The following OSBPL2 variants were observed in gnomAD, a reference collection of about 807,000 sequenced individuals.
OSBPL2 encodes the protein oxysterol-binding protein-related protein 2.
Under a neutral mutation model 58.4 loss-of-function variants are expected in OSBPL2, and 18 were observed. The ratio of observed to expected loss-of-function variants is 0.31; its 90% CI spans 0.21 to 0.46. The LOEUF (loss-of-function observed/expected upper bound fraction) is 0.46. Ranked by LOEUF, OSBPL2 falls within the 20% of genes least tolerant of loss-of-function variation. The pLI, the probability that OSBPL2 is intolerant of heterozygous loss-of-function variation, is 1.00. For missense variants in OSBPL2, 461 were observed against 616.5 expected (o/e 0.75, Z 2.67); for synonymous variants, 221 against 234.1 (o/e 0.94, Z 0.51).
chr20:62,266,373 C>T (rs1247623914), intron 4 of OSBPL2, among the ~76,000 whole-genome samples: 1 of 152,226 alleles, frequency 6.6e-6, no homozygotes, highest in African/African-American at 2.4e-5. Context: ...TACTACTTCT[C>T]AGCTTGTATT....
rs574781786 is a variant in OSBPL2 at position 62,294,198 on chromosome 20, T to A, written c.*311T>A. 6 of 436,622 alleles carry A rather than the reference T, an allele frequency of 1.4e-5. No individual in the cohort carries two copies. The highest frequency in any genetic ancestry group is 8.3e-5 in the African/African-American group (4 of 48,228). 27.0% of individuals were successfully genotyped at this position (436,622 alleles called of 1,614,324 possible). A position where few individuals can be genotyped will look rare whatever the true frequency, so the allele number is the denominator to read the frequency against. On this transcript the variant is annotated 3_prime_UTR_variant, in exon 14 of 14. Transcript: ENST00000313733. Reference sequence around the variant, plus strand: ...GGGGCTTGTTTAGCTTCCAGCACACTCTCAGTCATAGCATGTGTAGCTAAA... The same window carrying A: ...GGGGCTTGTTTAGCTTCCAGCACACACTCAGTCATAGCATGTGTAGCTAAA...
chr20:62,254,053 C>T (rs1471178948), intron 1 of OSBPL2, among the ~76,000 whole-genome samples: 1 of 152,160 alleles, frequency 6.6e-6, no homozygotes, highest in Non-Finnish European at 1.5e-5. Context: ...CCACCTCAGC[C>T]TCCTAAACTG....
chr20:62,248,314 C>T lies in OSBPL2; in HGVS notation c.-128-7743C>T, dbSNP rs570672539. Among the ~76,000 whole-genome samples, 3 of 151,888 alleles carry T rather than the reference C, an allele frequency of 2.0e-5. No homozygotes were observed. In the South Asian group the frequency reaches 6.2e-4, roughly 32 times the overall value. The stretch of plus-strand genomic sequence containing the variant: ...AGATTAAAAGTGCACGCCACCATGC[C>T]TGGCTAATTTTTGTATATTTTGGTA... On this transcript the variant is annotated intron_variant, in intron 1 of 13. Coordinates refer to ENST00000313733, the MANE Select transcript of OSBPL2 (RefSeq NM_144498.4).
At chr20:62,260,462 G>A (rs143282261) in intron 3 of OSBPL2, among the ~76,000 whole-genome samples, 35 of 152,318 alleles carry the variant, frequency 2.3e-4, no homozygotes, top group African/African-American at 3.8e-4. Flanking sequence ...AGTACATGGC[G>A]TCTTGATCAT....
At chr20:62,246,669 TTAG>T (rs1382516813) in intron 1 of OSBPL2, among the ~76,000 whole-genome samples, 1 of 152,140 alleles carries the variant, frequency 6.6e-6, no homozygotes, top group Non-Finnish European at 1.5e-5. Context: ...GCCCCAGGGC[TTAG>T]AAGGTGCTGG....
At chr20:62,242,335 T>C (rs1209312956) in intron 1 of OSBPL2, 1 of 152,268 alleles carries the variant, frequency 6.6e-6, no homozygotes, top group Non-Finnish European at 1.5e-5. Flanking sequence ...AGAAAAGAAC[T>C]TGGGATCATT....
chr20:62,288,514 CGGAGGCTGTGGGTGCAGAGGCTG>C lies in OSBPL2; in HGVS notation c.1126-671_1126-649del, dbSNP rs1329319809. ...GCTGGGAGGCTGTGGGTGCAGAGGC[CGGAGGCTGTGGGTGCAGAGGCTG>C]GGAGGCTGTGGGTGCAGAGGCCGGA... On this transcript the variant is annotated intron_variant, in intron 11 of 13. Transcript: ENST00000313733. This position sits in a 1 kb window ranked among gnomAD's most constrained non-coding sequence, Gnocchi z 4.8. Among the ~76,000 whole-genome samples the C allele has an allele frequency of 1.7e-5, 2 of 114,570 alleles. No individual in the cohort carries two copies. The highest frequency in any genetic ancestry group is 6.9e-5 in the African/African-American group (2 of 28,984). The allele number at this position is 114,570 out of a possible 152,430, so 75.2% of individuals were successfully genotyped here. A position where few individuals can be genotyped will look rare whatever the true frequency, so the allele number is the denominator to read the frequency against.
chr20:62,287,397 G>A (rs559362812), intron 11 of OSBPL2, among the ~76,000 whole-genome samples: 1 of 152,282 alleles, frequency 6.6e-6, no homozygotes, highest in South Asian at 2.1e-4. Flanking sequence ...TTCACTTTAA[G>A]CACGTTATCT....
intron 1 of OSBPL2, among the ~76,000 whole-genome samples, chr20:62,249,189 C>T (rs76355084): frequency 0.037 from 5,675 of 152,094 alleles, 134 homozygotes; most frequent in Non-Finnish European, 0.06. Flanking sequence ...GCAGGGATGG[C>T]GTCCTTGGGG....
intron 1 of OSBPL2, among the ~76,000 whole-genome samples, chr20:62,243,594 G>C (rs1979886656): frequency 6.6e-6 from 1 of 152,134 alleles, no homozygotes; most frequent in Non-Finnish European, 1.5e-5. Flanking sequence ...AAAAGTGTGG[G>C]TTCAAGGCCC....
chr20:62,247,995 G>A (rs1184958609), intron 1 of OSBPL2, among the ~76,000 whole-genome samples: 2 of 151,900 alleles, frequency 1.3e-5, no homozygotes, highest in Non-Finnish European at 2.9e-5. Flanking sequence ...GAACCCCATC[G>A]TTGTTAATAG....
At chr20:62,251,900 G>A (rs1476286584) in intron 1 of OSBPL2, among the ~76,000 whole-genome samples, 1 of 37,824 alleles carries the variant, frequency 2.6e-5, no homozygotes, top group Non-Finnish European at 4.7e-5. Flanking sequence ...TTTTTTTCTG[G>A]AGACAGGGTC....
intron 13 of OSBPL2, among the ~76,000 whole-genome samples, chr20:62,293,205 AAAT>A (rs1350764302): frequency 6.6e-6 from 1 of 152,078 alleles, no homozygotes; most frequent in East Asian, 1.9e-4. Context: ...TATACTGTGA[AAAT>A]AATGATCTTT....
intron 2 of OSBPL2, 89 bp downstream of exon 2, chr20:62,256,310 A>T: frequency 8.3e-7 from 1 of 1,211,194 alleles, no homozygotes; most frequent in South Asian, 1.2e-5. Context: ...GGGTGTAAAG[A>T]TGCTCAGTAA....
At chr20:62,285,116 C>T (rs994986284) in intron 10 of OSBPL2, 7 of 152,144 alleles carry the variant, frequency 4.6e-5, no homozygotes, top group East Asian at 1.9e-4. Flanking sequence ...ATTTATTTAA[C>T]GGAAACATTC....
intron 8 of OSBPL2, 138 bp downstream of exon 8, chr20:62,281,303 A>G (rs1024769151): frequency 3.2e-6 from 2 of 632,806 alleles, no homozygotes; most frequent in East Asian, 2.8e-5. Context: ...CAGCCCAGGC[A>G]TAGCAGCTGC....
chr20:62,293,739 CT>C, intron 13 of OSBPL2, 45 bp from the exon 14 acceptor site: 1 of 1,587,224 alleles, frequency 6.3e-7, no homozygotes, highest in Non-Finnish European at 8.6e-7. Context: ...CTGCGTTTTC[CT>C]TTTGGGCTGA....
At chr20:62,262,626 C>T (rs892415458) in intron 3 of OSBPL2, among the ~76,000 whole-genome samples, 8 of 152,218 alleles carry the variant, frequency 5.3e-5, no homozygotes, top group Admixed American at 5.2e-4. Flanking sequence ...CTGCCATGTC[C>T]TTTCCCTCCT....
chr20:62,249,557 A>G (rs1980383809), intron 1 of OSBPL2, among the ~76,000 whole-genome samples: 1 of 152,290 alleles, frequency 6.6e-6, no homozygotes, highest in Admixed American at 6.5e-5. Flanking sequence ...GCTTTTTAAA[A>G]TTATTTTTGC....
Sources: gnomAD v4.1 joint callset for allele counts (sites outside exome capture counted in the v4.1 genomes callset) on GRCh38, gnomAD v4.1.1 for gene constraint, Gnocchi (gnomAD v3.1) non-coding constraint, MANE v1.5 for transcripts, NCBI Gene and HGNC (gene_info 2026-07-23, HGNC 2026-07-21) for gene names.